The following IHO1 variants were observed in gnomAD, a reference collection of about 807,000 sequenced individuals.
IHO1 encodes interactor of HORMAD1 protein 1.
Under a neutral mutation model 31.0 loss-of-function variants are expected in IHO1, and 13 were observed. The ratio of observed to expected loss-of-function variants is 0.42; its 90% confidence interval spans 0.27 to 0.67. IHO1 has a LOEUF of 0.67. Among genes scored for constraint, IHO1 ranks in the 30% least tolerant of loss-of-function variants. The pLI is 0.24. For synonymous variants in IHO1, 221 were observed against 248.4 expected, an observed-to-expected ratio of 0.89 and a Z score of 1.04; for missense variants, 599 against 687.5, an observed-to-expected ratio of 0.87 and a Z score of 1.44.
chr3:49,207,804 C>T (rs1351995465), intron 1 of IHO1, among the ~76,000 whole-genome samples: 11 of 148,582 alleles, frequency 7.4e-5, no homozygotes, highest in Non-Finnish European at 1.2e-4. Flanking sequence ...GATGGAGTCT[C>T]GCTCTGTCAC....
intron 3 of IHO1, 28 bp downstream of exon 3, chr3:49,236,750 CA>C (rs769137035): frequency 1.3e-6 from 2 of 1,588,384 alleles, no homozygotes; most frequent in Non-Finnish European, 1.7e-6. Flanking sequence ...AATTGATCTG[CA>C]CACATTTCAC....
At chr3:49,246,172 A>C (rs2046691585) in intron 6 of IHO1, among the ~76,000 whole-genome samples, 1 of 133,846 alleles carries the variant, frequency 7.5e-6, no homozygotes, top group Non-Finnish European at 1.5e-5. Context: ...ACAGAGCGAG[A>C]CTCCGTCAAA....
At chr3:49,211,695 A>G (rs1320094689) in intron 1 of IHO1, 71 bp from the exon 2 acceptor site, 5 of 671,096 alleles carry the variant, frequency 7.5e-6, no homozygotes, top group Non-Finnish European at 1.3e-5. Context: ...TGTACATATA[A>G]TAGTCACTAG....
chr3:49,213,954 C>G (rs1006962721), intron 2 of IHO1: 4 of 420,096 alleles, frequency 9.5e-6, no homozygotes, highest in African/African-American at 4.0e-5. Flanking sequence ...CAAGGAAGCT[C>G]CGAGAGCAAG....
In IHO1 at chr3:49,256,215, C is replaced by T. The variant is rs1228712352; in HGVS notation, c.718C>T (p.Gln240Ter). The T allele has an allele frequency of 5.0e-6, 8 of 1,614,036 alleles. No individual in the cohort carries two copies. Among genetic ancestry groups the T allele is most frequent in the Non-Finnish European group, 5.9e-6 (7 of 1,180,022 alleles). ...TGCTCAGCAGAGTCAGGAATTCCAG[C>T]AGCTGTGTGAGCAGCTAGGCCAGCT... is the stretch of plus-strand genomic sequence containing the variant. Reference protein sequence around the residue: ...LVAQQSQEFQQLCEQLGQLNV... With the variant: ...LVAQQSQEFQ Residue 240 changes from glutamine to a stop codon, truncating the protein, a stop_gained, in exon 8 of 8, where the codon CAG becomes TAG. Coordinates refer to ENST00000452691, the MANE Select transcript of IHO1 (RefSeq NM_001135197.2). LOFTEE classifies it low-confidence loss of function (END_TRUNC). This position sits in a 1 kb window ranked among gnomAD's most constrained non-coding sequence, Gnocchi z 4.6.
At chr3:49,193,746 G>A (rs1402962659), upstream of IHO1, among the ~76,000 whole-genome samples, 6 of 146,846 alleles carry the variant, frequency 4.1e-5, no homozygotes, top group African/African-American at 1.3e-4. Context: ...GGTGGATCAC[G>A]AGGTTAGCAG....
At position 49,241,266 on chromosome 3, in the gene IHO1, A is replaced by G. The variant is rs1208668293; in HGVS notation, c.272A>G (p.Gln91Arg). The G allele has an allele frequency of 6.2e-7, 1 of 1,613,066 alleles. No homozygotes were observed. Among genetic ancestry groups the G allele is most frequent in the African/African-American group, 1.3e-5 (1 of 74,874 alleles). ...SIFTKYQTKP[Q>R]LFGGDIKDGG... is the part of the protein sequence containing the mutation. ...TTCACAAAGTACCAGACAAAGCCCC[A>G]GCTGTTCGGAGGAGATATAAAAGAT... is the stretch of plus-strand genomic sequence containing the variant. Residue 91 changes from glutamine to arginine, a missense_variant, in exon 4 of 8, where the codon CAG becomes CGG. Coordinates refer to ENST00000452691, the MANE Select transcript of IHO1 (RefSeq NM_001135197.2).
At chr3:49,198,034 A>G (rs2046012206), upstream of IHO1, among the ~76,000 whole-genome samples, 1 of 152,184 alleles carries the variant, frequency 6.6e-6, no homozygotes, top group Admixed American at 6.5e-5. Context: ...CATTTTCTCG[A>G]ATTTTATATA....
intron 3 of IHO1, among the ~76,000 whole-genome samples, chr3:49,237,695 CAA>C (rs1318955509): frequency 2.0e-5 from 3 of 151,350 alleles, no homozygotes; most frequent in Non-Finnish European, 1.5e-5. Flanking sequence ...AATAAAATAA[CAA>C]ATTTTATTTT....
intron 2 of IHO1, among the ~76,000 whole-genome samples, chr3:49,213,286 A>C (rs2046245208): frequency 6.6e-6 from 1 of 151,848 alleles, no homozygotes; most frequent in Admixed American, 6.6e-5. Context: ...TGATTGTTGT[A>C]TTTACAATTC....
chr3:49,200,598 C>A, intron 1 of IHO1: 2 of 984,140 alleles, frequency 2.0e-6, no homozygotes, highest in Non-Finnish European at 2.4e-6. Flanking sequence ...TCCTCTCCCC[C>A]TCACGTGTTC....
chr3:49,225,457 C>T lies in IHO1; in HGVS notation c.57-11091C>T, dbSNP rs145086561. The stretch of plus-strand genomic sequence containing the variant: ...CAGCCTGGGTGACAGAGTGAGACTC[C>T]GTCTCAAAAAAAAAAAAAGAAAAGT... On this transcript the variant is annotated intron_variant, in intron 2 of 7. Coordinates refer to ENST00000452691, the MANE Select transcript of IHO1 (RefSeq NM_001135197.2). Among the ~76,000 whole-genome samples, 505 of 150,476 alleles carry T rather than the reference C, an allele frequency of 3.4e-3. 7 individuals are homozygous for T. Among genetic ancestry groups the T allele is most frequent in the East Asian group, 0.014 (71 of 5,120 alleles).
At chr3:49,200,419 C>G (rs1389243158) in intron 1 of IHO1, 4 of 216,332 alleles carry the variant, frequency 1.8e-5, no homozygotes, top group African/African-American at 4.9e-5. Flanking sequence ...GAGCTGAGAT[C>G]GCGCCACTGC....
chr3:49,220,810 G>A (rs1055354232), intron 2 of IHO1, among the ~76,000 whole-genome samples: 2 of 152,232 alleles, frequency 1.3e-5, no homozygotes, highest in East Asian at 1.9e-4. Flanking sequence ...AGAGCTTGCA[G>A]TGAGCTGAGA....
At chr3:49,220,949 C>T (rs1165162279) in intron 2 of IHO1, among the ~76,000 whole-genome samples, 1 of 152,194 alleles carries the variant, frequency 6.6e-6, no homozygotes, top group Non-Finnish European at 1.5e-5. Context: ...GGAAGGGGAC[C>T]CGAACGGGTT....
chr3:49,194,569 G>C (rs1263017714), upstream of IHO1, among the ~76,000 whole-genome samples: 1 of 146,466 alleles, frequency 6.8e-6, no homozygotes, highest in African/African-American at 2.5e-5. Flanking sequence ...GAGATTACAG[G>C]CGTGAGCCAC....
At chr3:49,246,064 C>G (rs1559451429) in intron 6 of IHO1, among the ~76,000 whole-genome samples, 1 of 151,680 alleles carries the variant, frequency 6.6e-6, no homozygotes, top group Non-Finnish European at 1.5e-5. Context: ...CGCCTGTAGT[C>G]CCAGCTACTC....
At chr3:49,224,619 G>C (rs1433910188) in intron 2 of IHO1, among the ~76,000 whole-genome samples, 1 of 152,206 alleles carries the variant, frequency 6.6e-6, no homozygotes, top group East Asian at 1.9e-4. Flanking sequence ...GGTCCCTGGG[G>C]GAAGAGGCTT....
chr3:49,191,666 C>A, the IHO1 span: 22 of 1,494,428 alleles, frequency 1.5e-5, no homozygotes, highest in Non-Finnish European at 1.9e-5. Context: ...AACCTTTTCA[C>A]TTCACCGGCA....
Sources: allele counts gnomAD v4.1 joint callset (sites outside exome capture counted in the v4.1 genomes callset), GRCh38; gene constraint gnomAD v4.1.1; non-coding constraint Gnocchi (gnomAD v3.1); transcripts MANE v1.5; gene names NCBI Gene and HGNC (gene_info 2026-07-23, HGNC 2026-07-21).